Variants in BIVM observed in about 807,000 individuals in gnomAD.
The protein encoded by BIVM is basic, immunoglobulin-like variable motif containing, also known as basic immunoglobulin-like variable motif-containing protein.
Under a neutral mutation model 61.4 loss-of-function variants are expected in BIVM, and 31 were observed. That is an observed-to-expected ratio of 0.51 (90% CI 0.38 to 0.68). BIVM has a LOEUF of 0.68. Ranked by LOEUF, BIVM falls within the 30% of genes least tolerant of loss-of-function variation. The pLI, the probability that BIVM is intolerant of heterozygous loss-of-function variation, is 0.00. For synonymous variants in BIVM, 189 were observed against 210.7 expected (o/e 0.90, Z 0.89); for missense variants, 526 against 596.0 (o/e 0.88, Z 1.22).
In BIVM at chr13:102,822,140, T is replaced by A. The variant is rs1880337095; in HGVS notation, c.882T>A (p.Asn294Lys). The part of the protein sequence containing the change: ...SYVLYKPHGK[N>K]KTAGETASGA... ...TTCTATATAAGCCTCATGGGAAGAA[T>A]AAAACAGCAGGAGAAACTGGTAGGT... The change falls in exon 7 of 11, where the codon AAT becomes AAA. Residue 294 changes from asparagine to lysine, a missense_variant. Asn to Lys is a moderately conservative substitution (Grantham distance 94). This residue lies in a region of BIVM where 4 missense variants were observed against 19.2 expected (regional missense o/e 0.21). Coordinates refer to ENST00000257336, the MANE Select transcript of BIVM (RefSeq NM_017693.4). 1 of 1,613,632 alleles carries A rather than the reference T, an allele frequency of 6.2e-7. No individual in the cohort carries two copies. Among genetic ancestry groups the A allele is most frequent in the Non-Finnish European group, 8.5e-7 (1 of 1,179,928 alleles).
chr13:102,807,366 A>G lies in BIVM; in HGVS notation c.99A>G (p.Val33=). Residue 33 remains valine (V), a synonymous_variant, in exon 3 of 11, where the codon GTA becomes GTG. Transcript: ENST00000257336. The surrounding 1 kb of genome is among the most constrained non-coding windows in gnomAD (Gnocchi z 4.0). ...CTGAAGAGAATCTACAAGGTGCTGT[A>G]AAATCTTTCTGCACAAGTGCCTCAG... ...KSPEENLQGA[V]KSFCTSASGA... The G allele has an allele frequency of 6.2e-7, 1 of 1,614,202 alleles. No individual in the cohort carries two copies. The highest frequency in any genetic ancestry group is 8.5e-7 in the Non-Finnish European group (1 of 1,180,040).
At chr13:102,829,377 A>G (rs1880901731) in intron 7 of BIVM, among the ~76,000 whole-genome samples, 1 of 152,132 alleles carries the variant, frequency 6.6e-6, no homozygotes, top group Non-Finnish European at 1.5e-5. Context: ...CGTGCAGATC[A>G]TGGCTCTGCA....
Position 102,838,631 on chromosome 13 carries a change from T to C in BIVM, c.1122-12T>C. ...AAGAAAATTGTGCTTTATCCTTTCT[T>C]CTTAACTATAGATGGGCAGATATTG... On this transcript the variant is annotated splice_polypyrimidine_tract_variant and intron_variant, in intron 9 of 10. Transcript: ENST00000257336. 1.9e-6 allele frequency: 3 copies of C among 1,597,354 alleles called. No homozygotes were observed. The South Asian group carries it at 3.4e-5, about 18-fold the overall frequency.
At chr13:102,804,585 A>T (rs144735785) in intron 1 of BIVM, among the ~76,000 whole-genome samples, 1 of 152,144 alleles carries the variant, frequency 6.6e-6, no homozygotes, top group Admixed American at 6.5e-5. Context: ...TGCTGGGATT[A>T]CAGGTGTGAG....
intron 5 of BIVM, 91 bp downstream of exon 5, chr13:102,821,223 T>G (rs1880253521): frequency 1.8e-6 from 2 of 1,132,970 alleles, no homozygotes; most frequent in Admixed American, 2.9e-5. Flanking sequence ...AATAGATTTT[T>G]TATAAATTTA....
rs1285651372 is a variant in BIVM at position 102,839,853 on chromosome 13, T to C, written c.1500T>C (p.Asp500=). Residue 500 remains aspartate, a synonymous_variant, in exon 11 of 11, where the codon GAT becomes GAC. Transcript: ENST00000257336. ...GTTACCAGGGTTACAGTGATTACGA[T>C]GGGAATGATTGACTATGCTTGCTAC... ...NSGYQGYSDY[D]GND The C allele has an allele frequency of 1.9e-6, 3 of 1,610,222 alleles. No individual in the cohort carries two copies. Among genetic ancestry groups the C allele is most frequent in the African/African-American group, 2.7e-5 (2 of 74,888 alleles).
intron 7 of BIVM, among the ~76,000 whole-genome samples, chr13:102,827,306 A>G (rs1880743068): frequency 6.7e-6 from 1 of 150,210 alleles, no homozygotes; most frequent in Non-Finnish European, 1.5e-5. Context: ...ATTTGTTTAA[A>G]TTTCCTCCAG....
chr13:102,809,655 CA>C (rs1879341515), intron 3 of BIVM, among the ~76,000 whole-genome samples: 2 of 152,136 alleles, frequency 1.3e-5, no homozygotes, highest in Non-Finnish European at 2.9e-5. Flanking sequence ...AAAACTAATA[CA>C]TGTCTAATAA....
intron 7 of BIVM, among the ~76,000 whole-genome samples, chr13:102,824,879 C>T (rs1257719162): frequency 3.3e-5 from 5 of 152,128 alleles, no homozygotes; most frequent in Non-Finnish European, 7.3e-5. Flanking sequence ...TTCCCCTTAG[C>T]CTCCCAAGTA....
At position 102,838,639 on chromosome 13, in the gene BIVM, A is replaced by G. The variant is rs771296967; in HGVS notation, c.1122-4A>G. 21 of 1,605,698 alleles carry G rather than the reference A, an allele frequency of 1.3e-5. No homozygotes were observed. The highest frequency in any genetic ancestry group is 1.7e-5 in the Admixed American group (1 of 58,594). On this transcript the variant is annotated splice_polypyrimidine_tract_variant and splice_region_variant and intron_variant, in intron 9 of 10. Transcript: ENST00000257336. ...TGTGCTTTATCCTTTCTTCTTAACT[A>G]TAGATGGGCAGATATTGTTACTGAT...
chr13:102,834,894 A>T (rs1566456590), intron 9 of BIVM, among the ~76,000 whole-genome samples: 3 of 151,984 alleles, frequency 2.0e-5, no homozygotes, highest in African/African-American at 7.3e-5. Flanking sequence ...AGAGTTTATT[A>T]TTTTTTTATT....
chr13:102,803,494 T>C (rs1251515028), intron 1 of BIVM, among the ~76,000 whole-genome samples: 11 of 151,752 alleles, frequency 7.2e-5, no homozygotes, highest in African/African-American at 2.7e-4. Flanking sequence ...CAGAGTGAGA[T>C]TCCATTTAAA....
At chr13:102,835,620 T>A (rs1306497950) in intron 9 of BIVM, among the ~76,000 whole-genome samples, 1 of 152,110 alleles carries the variant, frequency 6.6e-6, no homozygotes, top group African/African-American at 2.4e-5. Context: ...TGAACCTTCA[T>A]CTCCCAGGTT....
intron 9 of BIVM, among the ~76,000 whole-genome samples, chr13:102,836,158 G>A (rs1881455874): frequency 6.6e-6 from 1 of 151,788 alleles, no homozygotes; most frequent in South Asian, 2.1e-4. Context: ...CAGAAGTTCT[G>A]ATTCTAATTA....
At chr13:102,809,975 C>T (rs111404379) in intron 3 of BIVM, among the ~76,000 whole-genome samples, 7 of 151,912 alleles carry the variant, frequency 4.6e-5, no homozygotes, top group Non-Finnish European at 1.0e-4. Context: ...TTAGTAGGGT[C>T]GGGGTTTCAC....
chr13:102,803,540 A>T (rs1878875353), intron 1 of BIVM, among the ~76,000 whole-genome samples: 1 of 152,086 alleles, frequency 6.6e-6, no homozygotes, highest in Non-Finnish European at 1.5e-5. Context: ...TCACACAGAG[A>T]GCTGGTCCCA....
rs565943679 is a variant in BIVM, at chr13:102,813,975, T to G, written c.479-2453T>G. Among the ~76,000 whole-genome samples the G allele has an allele frequency of 5.3e-5, 8 of 152,320 alleles. No individual in the cohort carries two copies. The East Asian group carries it at 1.5e-3, about 29-fold the overall frequency. On this transcript the variant is annotated intron_variant, in intron 3 of 10. Transcript: ENST00000257336. The stretch of plus-strand genomic sequence containing the variant: ...TGGTGATTGCACAGGACTCTGTCCT[T>G]TGGTTCTTCCAGTAAAAAAAGACAG...
intron 8 of BIVM, 79 bp from the exon 9 acceptor site, chr13:102,834,387 C>G: frequency 7.3e-7 from 1 of 1,372,684 alleles, no homozygotes; most frequent in East Asian, 2.5e-5. Flanking sequence ...CTCTAGTATG[C>G]CTTTTATTAA....
chr13:102,806,712 A>G (rs1879116876), intron 2 of BIVM, among the ~76,000 whole-genome samples: 1 of 151,952 alleles, frequency 6.6e-6, no homozygotes, highest in South Asian at 2.1e-4. Context: ...GGATTTTGAG[A>G]CCAGCCTGAC....
Sources: gnomAD v4.1 joint callset for allele counts (sites outside exome capture counted in the v4.1 genomes callset) on GRCh38, gnomAD v4.1.1 for gene constraint, gnomAD v4.1.1 regional missense constraint, Gnocchi (gnomAD v3.1) non-coding constraint, MANE v1.5 for transcripts, NCBI Gene and HGNC (gene_info 2026-07-23, HGNC 2026-07-21) for gene names.